The following CCDC171 variants were observed in gnomAD, a reference collection of about 807,000 sequenced individuals.
CCDC171 encodes the protein coiled-coil domain containing 171, also known as coiled-coil domain-containing protein 171.
Under a neutral mutation model 168.2 loss-of-function variants are expected in CCDC171, and 177 were observed. The ratio of observed to expected loss-of-function variants is 1.05; its 90% CI spans 0.93 to 1.19. CCDC171 has a LOEUF of 1.19. Among genes scored for constraint, CCDC171 ranks in the 50% most tolerant of loss-of-function variants. The pLI, the probability that CCDC171 is intolerant of heterozygous loss-of-function variation, is 0.00. For missense variants in CCDC171, 1,991 were observed against 1,539.0 expected (o/e 1.29, Z -4.91); for synonymous variants, 687 against 540.8 (o/e 1.27, Z -3.75).
chr9:15,785,173 T>C (rs1588478688), intron 21 of CCDC171, among the ~76,000 whole-genome samples: 1 of 152,040 alleles, frequency 6.6e-6, no homozygotes, highest in African/African-American at 2.4e-5. Context: ...ATATTTGTGG[T>C]AAAGGTATTT....
chr9:15,672,429 G>A (rs536862389), intron 9 of CCDC171, among the ~76,000 whole-genome samples: 2 of 152,280 alleles, frequency 1.3e-5, no homozygotes, highest in South Asian at 4.1e-4. Flanking sequence ...CTTTGCTCAT[G>A]CCTATGTCCT....
the CCDC171 span, among the ~76,000 whole-genome samples, chr9:16,102,139 A>G: frequency 6.6e-6 from 1 of 152,180 alleles, no homozygotes; most frequent in Non-Finnish European, 1.5e-5. Context: ...ACTGAAGATG[A>G]AGAACAGTAA....
downstream of CCDC171, among the ~76,000 whole-genome samples, chr9:15,975,075 C>CT (rs1202016408): frequency 6.6e-6 from 1 of 152,072 alleles, no homozygotes; most frequent in East Asian, 1.9e-4. Flanking sequence ...TCACTGTGCA[C>CT]TTTTTATAGA....
chr9:15,756,483 C>T (rs946218219), intron 18 of CCDC171, among the ~76,000 whole-genome samples: 2 of 151,946 alleles, frequency 1.3e-5, no homozygotes, highest in Non-Finnish European at 2.9e-5. Context: ...ATTCTGTCAC[C>T]CAGGTAGTGA....
At chr9:15,856,242 T>C (rs1052265878) in intron 23 of CCDC171, among the ~76,000 whole-genome samples, 1 of 151,950 alleles carries the variant, frequency 6.6e-6, no homozygotes, top group Non-Finnish European at 1.5e-5. Flanking sequence ...ACAATATTGT[T>C]AACCACAGGT....
At chr9:15,926,770 C>T (rs951557491) in intron 25 of CCDC171, among the ~76,000 whole-genome samples, 1 of 151,620 alleles carries the variant, frequency 6.6e-6, no homozygotes, top group Admixed American at 6.6e-5. Flanking sequence ...ATTCTCTTAT[C>T]TGTGTGTAAA....
intron 25 of CCDC171, among the ~76,000 whole-genome samples, chr9:15,951,791 T>C (rs958438349): frequency 6.6e-6 from 1 of 152,162 alleles, no homozygotes; most frequent in African/African-American, 2.4e-5. Flanking sequence ...GATTTGCAAG[T>C]ATTTTCTCCT....
chr9:15,712,994 C>G (rs950127660), intron 11 of CCDC171, among the ~76,000 whole-genome samples: 1 of 152,206 alleles, frequency 6.6e-6, no homozygotes, highest in African/African-American at 2.4e-5. Context: ...GGGCACAGTG[C>G]CCATTTGAAG....
At chr9:15,582,397 A>G in intron 4 of CCDC171, among the ~76,000 whole-genome samples, 1 of 152,230 alleles carries the variant, frequency 6.6e-6, no homozygotes, top group East Asian at 1.9e-4. Context: ...CTAGAACTAG[A>G]AATACCATTT....
At chr9:15,727,030 G>C (rs2053851484) in intron 14 of CCDC171, among the ~76,000 whole-genome samples, 2 of 152,106 alleles carry the variant, frequency 1.3e-5, no homozygotes, top group African/African-American at 4.8e-5. Context: ...CATAGTAAGT[G>C]TTTCTAAGTC....
chr9:15,786,617 T>G (rs2057970862), intron 21 of CCDC171, among the ~76,000 whole-genome samples: 1 of 152,118 alleles, frequency 6.6e-6, no homozygotes, highest in African/African-American at 2.4e-5. Flanking sequence ...GCTCAGCCAT[T>G]GAAACATCTG....
chr9:15,673,152 T>A (rs144548987), intron 9 of CCDC171, among the ~76,000 whole-genome samples: 2 of 152,294 alleles, frequency 1.3e-5, no homozygotes, highest in East Asian at 3.9e-4. Context: ...ATTGGCTGTC[T>A]GTCTGTTATT....
intron 21 of CCDC171, among the ~76,000 whole-genome samples, chr9:15,803,566 G>C (rs2058930277): frequency 6.6e-6 from 1 of 151,888 alleles, no homozygotes. Context: ...AAGATCAGAT[G>C]GTTGTAGATG....
chr9:15,792,152 T>C (rs1384383510), intron 21 of CCDC171, among the ~76,000 whole-genome samples: 1 of 152,202 alleles, frequency 6.6e-6, no homozygotes, highest in Non-Finnish European at 1.5e-5. Flanking sequence ...CTGAAAACCA[T>C]GGCACAAGAA....
chr9:16,081,167 A>C, the CCDC171 span, among the ~76,000 whole-genome samples: 1 of 152,176 alleles, frequency 6.6e-6, no homozygotes, highest in Non-Finnish European at 1.5e-5. Context: ...GGGTTCTAAC[A>C]TGGACATTGT....
At chr9:15,682,045 G>A (rs1253813481) in intron 10 of CCDC171, among the ~76,000 whole-genome samples, 1 of 151,884 alleles carries the variant, frequency 6.6e-6, no homozygotes, top group Non-Finnish European at 1.5e-5. Context: ...TCTAGTTTAG[G>A]TCATGTTCAT....
chr9:16,023,671 G>T (rs1328274), intron 6 of CCDC171, among the ~76,000 whole-genome samples: 53,769 of 151,992 alleles, frequency 0.35, 11,198 homozygotes, highest in East Asian at 0.62. Flanking sequence ...TGAATTGGTG[G>T]GTTCATTGGG....
chr9:15,603,825 C>G (rs891798114), intron 6 of CCDC171, among the ~76,000 whole-genome samples: 1 of 152,164 alleles, frequency 6.6e-6, no homozygotes, highest in Non-Finnish European at 1.5e-5. Flanking sequence ...GAGGAATTGC[C>G]ACACTGTCTT....
chr9:15,908,866 G>A lies in CCDC171; in HGVS notation c.3601-11404G>A, dbSNP rs902779075. 3.3e-5 allele frequency among the ~76,000 whole-genome samples: 5 copies of A among 152,104 alleles called. No individual in the cohort carries two copies. In the South Asian group the frequency reaches 1.0e-3, roughly 32 times the overall value. ...GGTTTTAAAGCACCAAGCCATGAGG[G>A]ATCTCCGCTCATGATCCAAATACCT... On this transcript the variant is annotated intron_variant, in intron 24 of 25. Coordinates refer to ENST00000380701, the MANE Select transcript of CCDC171 (RefSeq NM_173550.4).
Sources: allele counts gnomAD v4.1 joint callset (sites outside exome capture counted in the v4.1 genomes callset), GRCh38; gene constraint gnomAD v4.1.1; transcripts MANE v1.5; gene names NCBI Gene and HGNC (gene_info 2026-07-23, HGNC 2026-07-21).